The following PAFAH1B1 variants were observed in gnomAD, a reference collection of about 807,000 sequenced individuals.
PAFAH1B1 encodes the protein platelet-activating factor acetylhydrolase IB subunit beta.
Under a neutral mutation model 57.5 loss-of-function variants are expected in PAFAH1B1, and 2 were observed. The observed-to-expected ratio is 0.03, with a 90% CI of 0.01 to 0.11. PAFAH1B1 has a LOEUF of 0.11. Ranked by LOEUF, PAFAH1B1 falls within the 10% of genes least tolerant of loss-of-function variation. The pLI is 1.00. For synonymous variants in PAFAH1B1, 152 were observed against 169.6 expected (o/e 0.90, Z 0.81); for missense variants, 257 against 512.0 (o/e 0.50, Z 4.81).
chr17:2,627,778 T>C (rs1463678372), intron 1 of PAFAH1B1, among the ~76,000 whole-genome samples: 7 of 152,204 alleles, frequency 4.6e-5, no homozygotes, highest in Admixed American at 2.6e-4. Flanking sequence ...TTTTATAGTT[T>C]TCCTTGTAGA....
chr17:2,619,466 C>T (rs1056776874), intron 1 of PAFAH1B1, among the ~76,000 whole-genome samples: 1 of 151,708 alleles, frequency 6.6e-6, no homozygotes, highest in African/African-American at 2.4e-5. Context: ...CTCTTTAGCT[C>T]AGTCTGCCCA....
chr17:2,669,088 G>C (rs980688035), intron 5 of PAFAH1B1, among the ~76,000 whole-genome samples: 1 of 151,884 alleles, frequency 6.6e-6, no homozygotes, highest in Non-Finnish European at 1.5e-5. Context: ...ACAGTCTTAC[G>C]GGATATCAAT....
chr17:2,676,748 TTTG>T, intron 9 of PAFAH1B1, 142 bp downstream of exon 9: 3 of 684,030 alleles, frequency 4.4e-6, no homozygotes, highest in East Asian at 2.7e-5. Context: ...TCCTTTAGCT[TTTG>T]TTGTTGTTAT....
At chr17:2,596,934 G>A (rs1484266951) in intron 1 of PAFAH1B1, among the ~76,000 whole-genome samples, 2 of 152,084 alleles carry the variant, frequency 1.3e-5, no homozygotes, top group Non-Finnish European at 2.9e-5. Flanking sequence ...TGTGCCATGC[G>A]CCTGTAATCC....
chr17:2,635,228 A>G (rs527875312), intron 1 of PAFAH1B1, among the ~76,000 whole-genome samples: 1 of 152,224 alleles, frequency 6.6e-6, no homozygotes, highest in East Asian at 1.9e-4. Context: ...CGTAGCACAT[A>G]ATATAAATTA....
rs138185037 is a variant in PAFAH1B1, at chr17:2,680,684, T to C, written c.1159+364T>C. On this transcript the variant is annotated intron_variant, in intron 10 of 10. Coordinates refer to ENST00000397195, the MANE Select transcript of PAFAH1B1 (RefSeq NM_000430.4). ...CCACTGGCAGGTGTATACTATCAGA[T>C]ACTAGAAACTCAGAAAATTGTATTT... Among the ~76,000 whole-genome samples the C allele has an allele frequency of 4.3e-3, 661 of 152,280 alleles. 1 individual carries two copies. Among genetic ancestry groups the C allele is most frequent in the African/African-American group, 0.014 (573 of 41,560 alleles).
Position 2,638,172 on chromosome 17 carries a change from T to C in PAFAH1B1, c.-117T>C. 1.4e-6 allele frequency: 1 copy of C among 719,390 alleles called. No homozygotes were observed. The allele number at this position is 719,390 out of a possible 1,614,324, so 44.6% of individuals were successfully genotyped here. ...CATTTGTGAAAGAATCATTTTCCCC[T>C]GTGTGGAAGACACTTAGTGGCATAT... On this transcript the variant is annotated 5_prime_UTR_variant, in exon 2 of 11. Coordinates refer to ENST00000397195, the MANE Select transcript of PAFAH1B1 (RefSeq NM_000430.4).
chr17:2,621,865 T>C (rs1407643297), intron 1 of PAFAH1B1, among the ~76,000 whole-genome samples: 1 of 152,138 alleles, frequency 6.6e-6, no homozygotes, highest in African/African-American at 2.4e-5. Flanking sequence ...TAACCGAAAC[T>C]GGGAACAAAA....
At chr17:2,602,481 A>T (rs963788805) in intron 1 of PAFAH1B1, among the ~76,000 whole-genome samples, 1 of 152,124 alleles carries the variant, frequency 6.6e-6, no homozygotes, top group African/African-American at 2.4e-5. Context: ...TATCCAATCA[A>T]TTACCTTGTC....
chr17:2,625,541 C>G (rs569968145), intron 1 of PAFAH1B1, among the ~76,000 whole-genome samples: 1 of 152,072 alleles, frequency 6.6e-6, no homozygotes, highest in Non-Finnish European at 1.5e-5. Context: ...GAAAATATTG[C>G]CTGATTTATT....
chr17:2,652,975 G>T (rs1471162945), intron 2 of PAFAH1B1, among the ~76,000 whole-genome samples: 1 of 152,138 alleles, frequency 6.6e-6, no homozygotes, highest in African/African-American at 2.4e-5. Context: ...GCACACATAT[G>T]TTTATTGTGG....
intron 1 of PAFAH1B1, among the ~76,000 whole-genome samples, chr17:2,611,780 TGAG>T (rs1340184592): frequency 1.3e-5 from 2 of 152,178 alleles, no homozygotes; most frequent in Admixed American, 1.3e-4. Context: ...CTAATTACCA[TGAG>T]TTTGGTCGGG....
chr17:2,631,656 T>C (rs2068556854), intron 1 of PAFAH1B1, among the ~76,000 whole-genome samples: 1 of 152,214 alleles, frequency 6.6e-6, no homozygotes, highest in African/African-American at 2.4e-5. Flanking sequence ...AGGGTCTTCC[T>C]TTCTCACTTC....
chr17:2,646,442 CAGGA>C (rs2068769754), intron 2 of PAFAH1B1, among the ~76,000 whole-genome samples: 3 of 32,420 alleles, frequency 9.3e-5, no homozygotes, highest in Admixed American at 6.8e-4. Flanking sequence ...CACTTGAGGT[CAGGA>C]GTTTGAGACC....
At chr17:2,616,691 C>A (rs544953259) in intron 1 of PAFAH1B1, among the ~76,000 whole-genome samples, 1 of 152,100 alleles carries the variant, frequency 6.6e-6, no homozygotes, top group Non-Finnish European at 1.5e-5. Flanking sequence ...TGGGCCTAGC[C>A]AAGTTGGAAT....
intron 1 of PAFAH1B1, among the ~76,000 whole-genome samples, chr17:2,626,678 C>G (rs1290608463): frequency 6.6e-6 from 1 of 151,176 alleles, no homozygotes; most frequent in Non-Finnish European, 1.5e-5. Context: ...CCTCAGCCTC[C>G]CAAGTAGCTG....
chr17:2,628,756 C>T (rs956019630), intron 1 of PAFAH1B1, among the ~76,000 whole-genome samples: 1 of 152,146 alleles, frequency 6.6e-6, no homozygotes, highest in Non-Finnish European at 1.5e-5. Flanking sequence ...ATTACCGTTT[C>T]AGTGTCACTG....
At chr17:2,639,900 A>G (rs2068674492) in intron 2 of PAFAH1B1, 1 of 152,084 alleles carries the variant, frequency 6.6e-6, no homozygotes, top group South Asian at 2.1e-4. Flanking sequence ...TATTTTTACA[A>G]TTAAAAAAAA....
rs77724513 is a variant in PAFAH1B1 at position 2,664,321 on chromosome 17, C to G, written c.33-1051C>G. 9.6e-3 allele frequency among the ~76,000 whole-genome samples: 1,457 copies of G among 152,078 alleles called. 28 individuals carry two copies. Among genetic ancestry groups the G allele is most frequent in the African/African-American group, 0.033 (1,380 of 41,462 alleles). ...GCAGTGGCACGAACTGGGCTCACCA[C>G]AGCCTCCACCTCCCAGGTTCAAGTG... On this transcript the variant is annotated intron_variant, in intron 2 of 10. Transcript: ENST00000397195.
Sources: allele counts gnomAD v4.1 joint callset (sites outside exome capture counted in the v4.1 genomes callset), GRCh38; gene constraint gnomAD v4.1.1; transcripts MANE v1.5; gene names NCBI Gene and HGNC (gene_info 2026-07-23, HGNC 2026-07-21).